RP1: variants seen among roughly 807,000 people sequenced by gnomAD.
RP1 encodes RP1 axonemal microtubule associated.
A neutral mutation model predicts 14.8 loss-of-function variants in RP1; 16 were observed. That is an observed-to-expected ratio of 1.08 (90% CI 0.73 to 1.65). The LOEUF is 1.65. Ranked by LOEUF, RP1 falls within the 40% of genes most tolerant of loss-of-function variation. The pLI is 0.00. For missense variants in RP1, 2,631 were observed against 2,535.0 expected, an observed-to-expected ratio of 1.04 and a Z score of -0.81; for synonymous variants, 876 against 883.6, an observed-to-expected ratio of 0.99 and a Z score of 0.15.
In RP1 at chr8:54,741,705, GTGTATATATATATATATA is replaced by G. The variant is rs1468392201; in HGVS notation, c.2808+2678_2808+2695del. 4.1e-4 allele frequency among the ~76,000 whole-genome samples: 31 copies of G among 75,902 alleles called. 1 individual carries two copies. The highest frequency in any genetic ancestry group is 1.7e-3 in the African/African-American group (28 of 16,946). The allele number at this position is 75,902 out of a possible 152,430, so 49.8% of individuals were successfully genotyped here. On this transcript the variant is annotated intron_variant, in intron 19 of 22. Transcript: ENST00000636932. ...TATGTACATATAAATACAAATGTGT[GTGTATATATATATATATA>G]TATATATATATATATATATATATAT... is the stretch of plus-strand genomic sequence containing the variant.
rs546223669 is a variant in RP1, at chr8:54,669,040, T to A, written c.1324-4810T>A. ...AAATAGACAAATGGGATGTAATTAA[T>A]CTAAAGAGCTTCTGCACAGCAGAAG... On this transcript the variant is annotated intron_variant, in intron 7 of 22. Transcript: ENST00000636932. 6.6e-5 allele frequency among the ~76,000 whole-genome samples: 10 copies of A among 152,092 alleles called. 1 individual carries two copies. In the South Asian group the frequency reaches 1.7e-3, roughly 25 times the overall value.
At chr8:54,615,799 A>T (rs921823473), upstream of RP1, among the ~76,000 whole-genome samples, 1 of 152,242 alleles carries the variant, frequency 6.6e-6, no homozygotes, top group Non-Finnish European at 1.5e-5. Context: ...AGCCTGCACA[A>T]TAACAACTTT....
At chr8:54,643,163 A>T (rs1398653299) in intron 3 of RP1, among the ~76,000 whole-genome samples, 1 of 152,172 alleles carries the variant, frequency 6.6e-6, no homozygotes, top group Non-Finnish European at 1.5e-5. Flanking sequence ...CATTTGGGTT[A>T]TAACTTTTAC....
At chr8:54,727,282 A>T (rs1468407584) in intron 17 of RP1, among the ~76,000 whole-genome samples, 1 of 152,056 alleles carries the variant, frequency 6.6e-6, no homozygotes, top group African/African-American at 2.4e-5. Flanking sequence ...TTTTATTTCC[A>T]TGTCATGTCT....
chr8:54,750,027 T>C (rs1242483978), intron 19 of RP1, among the ~76,000 whole-genome samples: 1 of 152,130 alleles, frequency 6.6e-6, no homozygotes, highest in Admixed American at 6.5e-5. Context: ...TCTTCCCAGA[T>C]GGTCGTGGTC....
At position 54,624,968 on chromosome 8, in the gene RP1, T is replaced by C. The variant is rs146279110; in HGVS notation, c.1086T>C (p.Asp362=). The C allele has an allele frequency of 1.3e-5, 21 of 1,614,018 alleles. No individual in the cohort carries two copies. Among genetic ancestry groups the C allele is most frequent in the Non-Finnish European group, 1.7e-5 (20 of 1,180,042 alleles). The change falls in exon 4 of 4, where the codon GAT becomes GAC. Residue 362 remains aspartate (D), a synonymous_variant. Coordinates refer to ENST00000220676, the MANE Select transcript of RP1 (RefSeq NM_006269.2). ...GTAAAACTGGTCCTTCTAATAATGATGAAAAGAGTGAGATGAGTTTTCCAG... is the reference window on the plus strand; with the variant it reads ...GTAAAACTGGTCCTTCTAATAATGACGAAAAGAGTGAGATGAGTTTTCCAG... The part of the protein sequence containing the change: ...TVSKTGPSNN[D]EKSEMSFPGR...
At chr8:54,798,604 A>G (rs1332690300) in intron 24 of RP1, among the ~76,000 whole-genome samples, 1 of 152,202 alleles carries the variant, frequency 6.6e-6, no homozygotes, top group Admixed American at 6.5e-5. Flanking sequence ...GGCATAAGAC[A>G]ACAGAGGCAA....
At chr8:54,690,777 C>T (rs139889558) in intron 12 of RP1, among the ~76,000 whole-genome samples, 123 of 152,088 alleles carry the variant, frequency 8.1e-4, no homozygotes, top group African/African-American at 2.7e-3. Flanking sequence ...TTCAGAATCT[C>T]GCAAGAGATC....
chr8:54,623,528 G>A (rs992483267), intron 3 of RP1, among the ~76,000 whole-genome samples: 1 of 151,508 alleles, frequency 6.6e-6, no homozygotes, highest in Admixed American at 6.6e-5. Context: ...TGTTATGATG[G>A]GCTCAAGTGA....
At chr8:54,601,262 C>T (rs1805277350) in intron 1 of RP1, among the ~76,000 whole-genome samples, 2 of 151,928 alleles carry the variant, frequency 1.3e-5, no homozygotes, top group Non-Finnish European at 2.9e-5. Context: ...AAAAGAAAAC[C>T]TAAAATATTT....
chr8:54,795,066 C>A (rs1256836649), intron 24 of RP1, among the ~76,000 whole-genome samples: 1 of 151,864 alleles, frequency 6.6e-6, no homozygotes, highest in Non-Finnish European at 1.5e-5. Flanking sequence ...GTTAGTATGG[C>A]TATCATCAAA....
chr8:54,787,417 CTT>C (rs1810348259), intron 24 of RP1, among the ~76,000 whole-genome samples: 1 of 151,962 alleles, frequency 6.6e-6, no homozygotes, highest in South Asian at 2.1e-4. Flanking sequence ...ATAAAAATGA[CTT>C]TGCTGAAATT....
At chr8:54,677,477 A>G (rs906858827) in intron 8 of RP1, among the ~76,000 whole-genome samples, 2 of 152,178 alleles carry the variant, frequency 1.3e-5, no homozygotes, top group African/African-American at 2.4e-5. Context: ...CTATAATTCC[A>G]GCATGTTGCG....
chr8:54,695,061 C>G (rs1234607744), intron 12 of RP1, among the ~76,000 whole-genome samples: 4 of 152,038 alleles, frequency 2.6e-5, no homozygotes, highest in Non-Finnish European at 5.9e-5. Flanking sequence ...TTATTTCTGC[C>G]TTCATTTCGT....
chr8:54,706,399 A>T (rs1808150383), intron 14 of RP1: 1 of 1,522,762 alleles, frequency 6.6e-7, no homozygotes, highest in African/African-American at 1.4e-5. Flanking sequence ...GCAAAACACG[A>T]GCCCGTTACT....
At chr8:54,734,437 T>G (rs1387439712) in intron 17 of RP1, 9 of 1,036,554 alleles carry the variant, frequency 8.7e-6, no homozygotes, top group Non-Finnish European at 1.2e-5. Flanking sequence ...TCCTGCTTGC[T>G]TCACCCTACC....
chr8:54,686,914 A>G (rs1807576944), intron 12 of RP1, among the ~76,000 whole-genome samples: 1 of 152,128 alleles, frequency 6.6e-6, no homozygotes, highest in Non-Finnish European at 1.5e-5. Context: ...ATGTTTTTAA[A>G]TATTTACAAT....
At chr8:54,717,389 A>G (rs1401467760) in intron 15 of RP1, among the ~76,000 whole-genome samples, 1 of 152,196 alleles carries the variant, frequency 6.6e-6, no homozygotes, top group Non-Finnish European at 1.5e-5. Context: ...AGAATATATT[A>G]GTTAAATAAT....
intron 22 of RP1, chr8:54,759,124 A>G: frequency 8.5e-7 from 1 of 1,175,984 alleles, no homozygotes; most frequent in South Asian, 1.3e-5. Flanking sequence ...TGCACTGTGG[A>G]TGATGCTGTG....
Sources: allele counts gnomAD v4.1 joint callset (sites outside exome capture counted in the v4.1 genomes callset), GRCh38; gene constraint gnomAD v4.1.1; transcripts MANE v1.5; gene names NCBI Gene and HGNC (gene_info 2026-07-23, HGNC 2026-07-21).